CSMD3: variants seen among roughly 807,000 people sequenced by gnomAD.
CSMD3 encodes the protein CUB and Sushi multiple domains 3, also known as CUB and sushi domain-containing protein 3.
In CSMD3, 177 loss-of-function variants were observed where a neutral mutation model predicts 435.2. The observed-to-expected ratio is 0.41, with a 90% CI of 0.36 to 0.46. The LOEUF is 0.46. CSMD3 is among the 20% of genes least tolerant of loss of function. The pLI, the probability that CSMD3 is intolerant of heterozygous loss-of-function variation, is 0.34. For synonymous variants in CSMD3, 1,656 were observed against 1,520.5 expected, an observed-to-expected ratio of 1.09 and a Z score of -2.07; for missense variants, 4,265 against 4,504.6, an observed-to-expected ratio of 0.95 and a Z score of 1.52.
At chr8:112,834,163 TAA>T (rs1406424769) in intron 11 of CSMD3, among the ~76,000 whole-genome samples, 1 of 151,974 alleles carries the variant, frequency 6.6e-6, no homozygotes, top group Non-Finnish European at 1.5e-5. Context: ...CACTTTAAAT[TAA>T]GTGATGAATT....
intron 13 of CSMD3, among the ~76,000 whole-genome samples, chr8:112,698,711 T>G (rs1273104967): frequency 6.6e-6 from 1 of 152,114 alleles, no homozygotes; most frequent in Non-Finnish European, 1.5e-5. Flanking sequence ...TGAATAAAAT[T>G]TAAATGCATT....
At chr8:112,423,794 T>C (rs2130312570) in intron 32 of CSMD3, among the ~76,000 whole-genome samples, 1 of 152,324 alleles carries the variant, frequency 6.6e-6, no homozygotes, top group South Asian at 2.1e-4. Context: ...TTAGTATTAC[T>C]AGCTGACAAG....
intron 3 of CSMD3, among the ~76,000 whole-genome samples, chr8:113,210,320 T>C (rs2092819296): frequency 6.6e-6 from 1 of 152,120 alleles, no homozygotes; most frequent in Non-Finnish European, 1.5e-5. Context: ...CACACAATTT[T>C]AGGCTGCTTC....
At chr8:112,987,673 A>G (rs528312137) in intron 6 of CSMD3, among the ~76,000 whole-genome samples, 1 of 152,242 alleles carries the variant, frequency 6.6e-6, no homozygotes, top group South Asian at 2.1e-4. Flanking sequence ...CAGCCTCCCC[A>G]ATACAGTATA....
chr8:112,791,014 C>T (rs1193141069), intron 13 of CSMD3, among the ~76,000 whole-genome samples: 1 of 152,028 alleles, frequency 6.6e-6, no homozygotes, highest in Non-Finnish European at 1.5e-5. Context: ...GTGAAACCAT[C>T]ACCACTGACA....
intron 1 of CSMD3, among the ~76,000 whole-genome samples, chr8:113,400,208 G>T (rs1198878041): frequency 6.6e-6 from 1 of 151,810 alleles, no homozygotes; most frequent in Non-Finnish European, 1.5e-5. Context: ...ATTTCAAATG[G>T]TATCCAGCTA....
At chr8:112,479,902 A>T (rs969146522) in intron 31 of CSMD3, among the ~76,000 whole-genome samples, 5 of 152,140 alleles carry the variant, frequency 3.3e-5, no homozygotes, top group African/African-American at 1.2e-4. Context: ...GCACTACCTT[A>T]TGGAGTTGTG....
intron 3 of CSMD3, among the ~76,000 whole-genome samples, chr8:113,233,101 A>G (rs1338431218): frequency 2.0e-5 from 3 of 151,906 alleles, no homozygotes; most frequent in African/African-American, 7.2e-5. Context: ...TGCTATTTAA[A>G]AAATTAGGTA....
intron 13 of CSMD3, among the ~76,000 whole-genome samples, chr8:112,780,772 C>T (rs1299131931): frequency 2.0e-5 from 3 of 152,028 alleles, no homozygotes; most frequent in African/African-American, 7.2e-5. Flanking sequence ...ACATTTAGAC[C>T]AATCCTGGCC....
intron 22 of CSMD3, among the ~76,000 whole-genome samples, chr8:112,609,635 C>T (rs1269603050): frequency 6.6e-6 from 1 of 152,090 alleles, no homozygotes; most frequent in Non-Finnish European, 1.5e-5. Context: ...AATAGAACTA[C>T]CATGTGATCC....
intron 40 of CSMD3, among the ~76,000 whole-genome samples, chr8:112,350,085 A>C (rs1826006062): frequency 6.6e-6 from 1 of 152,020 alleles, no homozygotes; most frequent in Non-Finnish European, 1.5e-5. Flanking sequence ...ACAAGCCAAC[A>C]AGAGAGGCCC....
chr8:112,580,592 C>A lies in CSMD3; in HGVS notation c.3885+6474G>T, dbSNP rs148290146. ...GGTCAGGCAATTGATCCTGAGCCAG[C>A]CACATGGAATTCTGGTGTAACTCAG... On this transcript the variant is annotated intron_variant, in intron 23 of 70. Transcript: ENST00000297405. Among the ~76,000 whole-genome samples the A allele has an allele frequency of 1.1e-3, 168 of 151,194 alleles. 1 individual carries two copies. The highest frequency in any genetic ancestry group is 3.9e-3 in the African/African-American group (162 of 41,236).
At chr8:112,476,086 C>G (rs1232915126) in intron 31 of CSMD3, among the ~76,000 whole-genome samples, 1 of 151,940 alleles carries the variant, frequency 6.6e-6, no homozygotes, top group East Asian at 1.9e-4. Context: ...GCTTTTGTTG[C>G]CCAGGCTGGA....
chr8:113,407,594 A>G (rs1166727584), intron 1 of CSMD3, among the ~76,000 whole-genome samples: 1 of 151,642 alleles, frequency 6.6e-6, no homozygotes, highest in African/African-American at 2.4e-5. Flanking sequence ...TTGTGTGTGT[A>G]TGAGGTTAGG....
chr8:113,255,308 C>T (rs532270619), intron 3 of CSMD3, among the ~76,000 whole-genome samples: 12 of 151,890 alleles, frequency 7.9e-5, no homozygotes, highest in Non-Finnish European at 1.2e-4. Flanking sequence ...TTTGGATCTC[C>T]GATTCTTTCC....
chr8:113,026,155 G>A (rs1006798240), intron 5 of CSMD3, among the ~76,000 whole-genome samples: 1 of 152,136 alleles, frequency 6.6e-6, no homozygotes, highest in African/African-American at 2.4e-5. Flanking sequence ...GGCCTTTCTT[G>A]CAGCAAGAAC....
intron 22 of CSMD3, among the ~76,000 whole-genome samples, chr8:112,627,827 C>T (rs1418581148): frequency 6.6e-6 from 1 of 152,158 alleles, no homozygotes. Context: ...ATACTGTCTT[C>T]TGTTCAGAAT....
chr8:112,409,143 AAT>A (rs1177184537), intron 32 of CSMD3, 111 bp from the exon 33 acceptor site: 3 of 1,543,524 alleles, frequency 1.9e-6, no homozygotes, highest in Non-Finnish European at 1.7e-6. Flanking sequence ...ATTACAATAT[AAT>A]AGTCATTTTT....
chr8:112,515,697 T>C (rs1164899744), intron 28 of CSMD3, among the ~76,000 whole-genome samples: 1 of 152,064 alleles, frequency 6.6e-6, no homozygotes. Context: ...GGGTCTCTAA[T>C]AAATTTACTT....
Sources: allele counts gnomAD v4.1 joint callset (sites outside exome capture counted in the v4.1 genomes callset), GRCh38; gene constraint gnomAD v4.1.1; transcripts MANE v1.5; gene names NCBI Gene and HGNC (gene_info 2026-07-23, HGNC 2026-07-21).